Variants in GNAO1 observed in about 807,000 individuals in gnomAD.
The protein encoded by GNAO1 is G protein subunit alpha o1, also known as guanine nucleotide-binding protein G(o) subunit alpha.
For synonymous variants in GNAO1, 164 were observed against 180.7 expected (o/e 0.91, Z 0.74); for missense variants, 166 against 478.7 (o/e 0.35, Z 6.10).
chr16:56,191,989 G>T lies in GNAO1; in HGVS notation c.-247G>T. The T allele has an allele frequency of 1.9e-6, 1 of 536,016 alleles. No homozygotes were observed. Among genetic ancestry groups the T allele is most frequent in the South Asian group, 2.6e-5 (1 of 38,920 alleles). The allele number at this position is 536,016 out of a possible 1,614,324, so 33.2% of individuals were successfully genotyped here. A position where few individuals can be genotyped will look rare whatever the true frequency, so the allele number is the denominator to read the frequency against. On this transcript the variant is annotated 5_prime_UTR_variant, in exon 1 of 9. Transcript: ENST00000262493. The surrounding 1 kb of genome is among the most constrained non-coding windows in gnomAD (Gnocchi z 4.7). ...CCTTGGCTCCGGAGCCCCAGACCCC[G>T]GCCACCCTCGATTCGACAACCCCAG...
rs541087118 is a variant in GNAO1, at chr16:56,211,870, G to A, written c.161+19254G>A. Among the ~76,000 whole-genome samples, 5 of 152,352 alleles carry A rather than the reference G, an allele frequency of 3.3e-5. No homozygotes were observed. In the South Asian group the frequency reaches 1.0e-3, roughly 32 times the overall value. On this transcript the variant is annotated intron_variant, in intron 2 of 8. Transcript: ENST00000262493. ...GGGAAATGCTCTGTGTGTGAACACA[G>A]CCCAGCAGTGCTCTATTCAGCGTGA...
chr16:56,204,743 A>C (rs1197200337), intron 2 of GNAO1, among the ~76,000 whole-genome samples: 3 of 152,202 alleles, frequency 2.0e-5, no homozygotes, highest in African/African-American at 7.2e-5. Context: ...AGCCAAACTC[A>C]AAAAATTTTT....
intron 5 of GNAO1, among the ~76,000 whole-genome samples, chr16:56,335,269 G>A (rs1164139991): frequency 2.6e-5 from 4 of 152,206 alleles, no homozygotes; most frequent in Non-Finnish European, 4.4e-5. Flanking sequence ...CCCAGAGCTG[G>A]AAGGAGCAGA....
At chr16:56,298,811 A>C (rs1454984290) in intron 3 of GNAO1, among the ~76,000 whole-genome samples, 1 of 151,464 alleles carries the variant, frequency 6.6e-6, no homozygotes, top group Non-Finnish European at 1.5e-5. Flanking sequence ...GCTACTTAGG[A>C]GGCTGAGGCA....
rs779411534 is a variant in GNAO1, at chr16:56,351,428, C to T, written c.768C>T (p.Asn256=). The change falls in exon 7 of 9, where the codon AAC becomes AAT. Residue 256 remains asparagine, a synonymous_variant. Coordinates refer to ENST00000262493, the MANE Select transcript of GNAO1 (RefSeq NM_020988.3). This position sits in a 1 kb window ranked among gnomAD's most constrained non-coding sequence, Gnocchi z 6.1. ...ESLMLFDSIC[N]NKFFIDTSII... ...TCATGCTCTTCGACTCCATCTGTAA[C>T]AACAAGTTCTTCATCGATACCTCCA... The T allele has an allele frequency of 1.9e-6, 3 of 1,612,152 alleles. No homozygotes were observed. Among genetic ancestry groups the T allele is most frequent in the Middle Eastern group, 1.6e-4 (1 of 6,062 alleles).
chr16:56,192,872 G>C, intron 2 of GNAO1: 1 of 525,316 alleles, frequency 1.9e-6, no homozygotes, highest in South Asian at 2.5e-5. Context: ...GAATGACAGT[G>C]TCCGCCATAT....
At chr16:56,234,531 C>G (rs1019523165) in intron 2 of GNAO1, among the ~76,000 whole-genome samples, 2 of 152,242 alleles carry the variant, frequency 1.3e-5, no homozygotes, top group African/African-American at 4.8e-5. Context: ...GCTCTAATAG[C>G]CAGTTTAAGG....
At chr16:56,219,494 T>A (rs1210741002) in intron 2 of GNAO1, among the ~76,000 whole-genome samples, 1 of 152,224 alleles carries the variant, frequency 6.6e-6, no homozygotes, top group East Asian at 1.9e-4. Flanking sequence ...CATGACTGTA[T>A]GTCCTCCAGA....
chr16:56,276,303 T>C (rs1485566798), intron 3 of GNAO1: 4 of 403,124 alleles, frequency 9.9e-6, no homozygotes, highest in African/African-American at 8.0e-5. Context: ...CTCCCGGATT[T>C]ATTTTGCAGA....
chr16:56,320,223 C>T (rs771911600), intron 3 of GNAO1, among the ~76,000 whole-genome samples: 6 of 152,084 alleles, frequency 3.9e-5, no homozygotes, highest in East Asian at 1.9e-4. Flanking sequence ...ATCCTCCTCC[C>T]GTGTGCCCAA....
intron 3 of GNAO1, among the ~76,000 whole-genome samples, chr16:56,313,453 A>T (rs1187257189): frequency 6.6e-6 from 1 of 152,182 alleles, no homozygotes; most frequent in Non-Finnish European, 1.5e-5. Flanking sequence ...TTTTTCAAAA[A>T]TATTTTAGTA....
intron 6 of GNAO1, chr16:56,344,568 TCCCATC>T (rs1308237272): frequency 1.0e-6 from 1 of 986,104 alleles, no homozygotes; most frequent in African/African-American, 1.7e-5. Context: ...CCCAGAGAAC[TCCCATC>T]CCTGACTCCT....
At chr16:56,197,317 C>A (rs1171482711) in intron 2 of GNAO1, among the ~76,000 whole-genome samples, 4 of 152,206 alleles carry the variant, frequency 2.6e-5, no homozygotes, top group African/African-American at 9.7e-5. Flanking sequence ...TCCCTCCCTT[C>A]GTCCCTCTCT....
intron 4 of GNAO1, among the ~76,000 whole-genome samples, chr16:56,329,813 C>T (rs1157398501): frequency 6.6e-6 from 1 of 151,986 alleles, no homozygotes; most frequent in African/African-American, 2.4e-5. Flanking sequence ...GGACATTCAG[C>T]AACATCGGGA....
chr16:56,248,946 G>A (rs2036773975), intron 2 of GNAO1, among the ~76,000 whole-genome samples: 1 of 152,170 alleles, frequency 6.6e-6, no homozygotes, highest in Non-Finnish European at 1.5e-5. Flanking sequence ...GATGCAGGGA[G>A]ATCATTAAGG....
intron 2 of GNAO1, among the ~76,000 whole-genome samples, chr16:56,260,498 C>T (rs1166757398): frequency 6.6e-6 from 1 of 152,160 alleles, no homozygotes; most frequent in Non-Finnish European, 1.5e-5. Context: ...GCTGAGCATA[C>T]CTGCCCTCCT....
chr16:56,314,787 T>C (rs189097064), intron 3 of GNAO1, among the ~76,000 whole-genome samples: 1 of 152,242 alleles, frequency 6.6e-6, no homozygotes, highest in East Asian at 1.9e-4. Context: ...ATAGTTTTGA[T>C]TTCATGGACC....
At chr16:56,272,409 C>G (rs2037026977) in intron 2 of GNAO1, among the ~76,000 whole-genome samples, 1 of 152,156 alleles carries the variant, frequency 6.6e-6, no homozygotes, top group Non-Finnish European at 1.5e-5. Flanking sequence ...AAAATTCTAC[C>G]CAGAAACAGG....
Position 56,262,335 on chromosome 16 carries a change from G to C in GNAO1, c.162-13596G>C, listed in dbSNP as rs141944462. ...GTCAGAGCCCCACCTGGTCTGTTTG[G>C]ATGACAGAGCCTTTTGGACTTGCCT... is the stretch of plus-strand genomic sequence containing the variant. On this transcript the variant is annotated intron_variant, in intron 2 of 8. Transcript: ENST00000262493. 3.0e-4 allele frequency among the ~76,000 whole-genome samples: 46 copies of C among 152,328 alleles called. No individual in the cohort carries two copies. The East Asian group carries it at 7.5e-3, about 25-fold the overall frequency.
Sources: gnomAD v4.1 joint callset for allele counts (sites outside exome capture counted in the v4.1 genomes callset) on GRCh38, gnomAD v4.1.1 for gene constraint, Gnocchi (gnomAD v3.1) non-coding constraint, MANE v1.5 for transcripts, NCBI Gene and HGNC (gene_info 2026-07-23, HGNC 2026-07-21) for gene names.